The following KLK13 variants were observed in gnomAD, a reference collection of about 807,000 sequenced individuals.
KLK13 encodes the protein kallikrein-13.
KLK13 carries 19 observed loss-of-function variants against 22.4 expected under a neutral mutation model. The observed-to-expected ratio is 0.85, with a 90% CI of 0.59 to 1.24. The LOEUF (loss-of-function observed/expected upper bound fraction) is 1.24, where lower values mean the gene tolerates loss of function less well. Ranked by LOEUF, KLK13 falls within the 50% of genes most tolerant of loss-of-function variation. KLK13 has a pLI of 0.00. For synonymous variants in KLK13, 156 were observed against 141.8 expected (o/e 1.10, Z -0.71); for missense variants, 311 against 347.9 (o/e 0.89, Z 0.84).
At chr19:51,065,125 G>A (rs1349838158), upstream of KLK13, 5 of 1,259,758 alleles carry the variant, frequency 4.0e-6, no homozygotes, top group Non-Finnish European at 5.5e-6. Context: ...AAGGTGAAGG[G>A]GGTGTTGAGG....
chr19:51,058,812 C>T, intron 3 of KLK13, 138 bp from the exon 4 acceptor site: 1 of 846,032 alleles, frequency 1.2e-6, no homozygotes, highest in South Asian at 1.6e-5. Flanking sequence ...GAGATGAGCA[C>T]CTATCTGGGT....
intron 1 of KLK13, among the ~76,000 whole-genome samples, chr19:51,064,075 G>T (rs1044976799): frequency 6.6e-6 from 1 of 152,130 alleles, no homozygotes; most frequent in Non-Finnish European, 1.5e-5. Context: ...GGCAGGGAAA[G>T]ATGGGAAAGA....
rs867003746 is a variant in KLK13, at chr19:51,065,027, G to C, written c.41C>G (p.Ala14Gly). 7.5e-7 allele frequency: 1 copy of C among 1,335,298 alleles called. No individual in the cohort carries two copies. The highest frequency in any genetic ancestry group is 4.9e-5 in the East Asian group (1 of 20,398). The allele number at this position is 1,335,298 out of a possible 1,614,324, so 82.7% of individuals were successfully genotyped here. A position where few individuals can be genotyped will look rare whatever the true frequency, so the allele number is the denominator to read the frequency against. The change falls in exon 1 of 5, where the codon GCC (alanine) becomes GGC (glycine). Residue 14 changes from alanine to glycine, a missense_variant. Ala to Gly is a moderately conservative substitution (Grantham distance 60). Coordinates refer to ENST00000595793, the MANE Select transcript of KLK13 (RefSeq NM_015596.3). ...CCGCGCATTCTTACCTCCTGACAAG[G>C]CCAAGGTCAGGGAGGCGATCACTAG... ...LALVIASLTL[A>G]LSGGVSQESS...
chr19:51,061,842 G>T (rs2122705551), intron 1 of KLK13, among the ~76,000 whole-genome samples: 1 of 152,320 alleles, frequency 6.6e-6, no homozygotes, highest in East Asian at 1.9e-4. Flanking sequence ...GCCCTTGCCA[G>T]CCTCTTTGAC....
At chr19:51,057,625 A>G (rs8110488) in intron 4 of KLK13, among the ~76,000 whole-genome samples, 50,412 of 151,800 alleles carry the variant, frequency 0.33, 8,770 homozygotes, top group Middle Eastern at 0.44. Context: ...ACTCCACCAC[A>G]CCTGGCTAAT....
intron 1 of KLK13, chr19:51,063,569 A>G: frequency 2.3e-6 from 1 of 430,096 alleles, no homozygotes; most frequent in Non-Finnish European, 4.7e-6. Context: ...AAATTGGAGT[A>G]ATTACAATGC....
chr19:51,059,901 G>T lies in KLK13; in HGVS notation c.432C>A (p.Pro144=), dbSNP rs760548699. ...GGGTTAGGCGGTTGTTGTGGGAAAG[G>T]GGCAGGGTTTGGATGTAGCCTGTGA... ...VQLTGYIQTL[P]LSHNNRLTPG... The change falls in exon 3 of 5, where the codon CCC becomes CCA. Residue 144 remains proline (P), a synonymous_variant. Coordinates refer to ENST00000595793, the MANE Select transcript of KLK13 (RefSeq NM_015596.3). 31 of 1,605,552 alleles carry T rather than the reference G, an allele frequency of 1.9e-5. No individual in the cohort carries two copies. The South Asian group carries it at 3.3e-4, about 17-fold the overall frequency.
upstream of KLK13, among the ~76,000 whole-genome samples, chr19:51,065,319 A>AC: frequency 6.6e-6 from 1 of 151,864 alleles, no homozygotes; most frequent in South Asian, 2.1e-4. Flanking sequence ...GCAGCCCCTC[A>AC]CCCCAGGAAG....
chr19:51,061,540 T>G (rs2091731637), intron 1 of KLK13, among the ~76,000 whole-genome samples: 1 of 152,216 alleles, frequency 6.6e-6, no homozygotes, highest in South Asian at 2.1e-4. Flanking sequence ...TCATCTTTGC[T>G]TCTCTTCTTT....
chr19:51,058,783 G>T, intron 3 of KLK13, 109 bp from the exon 4 acceptor site: 1 of 1,085,566 alleles, frequency 9.2e-7, no homozygotes, highest in Non-Finnish European at 1.4e-6. Flanking sequence ...ATTGAGATGG[G>T]AAGAGAAAGA....
At chr19:51,060,973 C>T (rs2091725036) in intron 1 of KLK13, among the ~76,000 whole-genome samples, 1 of 151,956 alleles carries the variant, frequency 6.6e-6, no homozygotes, top group African/African-American at 2.4e-5. Flanking sequence ...GTGAGACTGA[C>T]CTACACATCC....
rs1411470549 is a variant in KLK13, at chr19:51,059,771, CCT to C, written c.508+52_508+53del. 13 of 1,432,678 alleles carry C rather than the reference CCT, an allele frequency of 9.1e-6. 1 individual carries two copies. The highest frequency in any genetic ancestry group is 4.7e-5 in the South Asian group (3 of 64,100). The allele number at this position is 1,432,678 out of a possible 1,614,324, so 88.7% of individuals were successfully genotyped here. On this transcript the variant is annotated intron_variant, in intron 3 of 4. Transcript: ENST00000595793. ...TCAGACCTTCCCTCCCATCTCTGCCCCTGTTTCCCCAGCCACTCCTATGGGGC... is the reference window on the plus strand; with the variant it reads ...TCAGACCTTCCCTCCCATCTCTGCCCGTTTCCCCAGCCACTCCTATGGGGC...
chr19:51,061,037 C>A (rs546657730), intron 1 of KLK13, among the ~76,000 whole-genome samples: 2 of 152,278 alleles, frequency 1.3e-5, no homozygotes, highest in South Asian at 4.1e-4. Flanking sequence ...CCCATTCATC[C>A]TATTGATTTG....
Position 51,060,099 on chromosome 19 carries a change from G to A in KLK13, c.240-6C>T. The stretch of plus-strand genomic sequence containing the variant: ...CTAGGTAAACTTTGAGCCCCCTGTG[G>A]GTGCAGAAAGAAGGTGGTTAGGAAA... On this transcript the variant is annotated splice_polypyrimidine_tract_variant and splice_region_variant and intron_variant, in intron 2 of 4. Coordinates refer to ENST00000595793, the MANE Select transcript of KLK13 (RefSeq NM_015596.3). 1 of 1,612,710 alleles carries A rather than the reference G, an allele frequency of 6.2e-7. No homozygotes were observed. The highest frequency in any genetic ancestry group is 1.1e-5 in the South Asian group (1 of 91,064).
intron 1 of KLK13, chr19:51,063,608 C>T (rs112237160): frequency 0.036 from 16,242 of 456,054 alleles, 418 homozygotes; most frequent in South Asian, 0.052. Flanking sequence ...TTGAGGACTC[C>T]ACAAGGCGTA....
At chr19:51,059,392 T>A (rs1012242804) in intron 3 of KLK13, among the ~76,000 whole-genome samples, 5 of 146,584 alleles carry the variant, frequency 3.4e-5, no homozygotes, top group African/African-American at 1.2e-4. Context: ...TATATAAATG[T>A]ATACATTTAT....
At chr19:51,064,747 C>G in intron 1 of KLK13, 1 of 645,494 alleles carries the variant, frequency 1.5e-6, no homozygotes, top group South Asian at 1.5e-5. Flanking sequence ...TTTCAGCTTT[C>G]CAGAGAGGAC....
intron 4 of KLK13, among the ~76,000 whole-genome samples, chr19:51,057,644 T>G (rs2091688011): frequency 6.6e-6 from 1 of 151,922 alleles, no homozygotes. Context: ...ATTTAAAAAC[T>G]TTTTTTTCTT....
intron 4 of KLK13, among the ~76,000 whole-genome samples, chr19:51,057,144 C>T (rs2091683272): frequency 8.2e-6 from 1 of 122,230 alleles, no homozygotes; most frequent in Admixed American, 8.2e-5. Flanking sequence ...CACCCCCTGC[C>T]CCACACCAGC....
Sources: gnomAD v4.1 joint callset for allele counts (sites outside exome capture counted in the v4.1 genomes callset) on GRCh38, gnomAD v4.1.1 for gene constraint, MANE v1.5 for transcripts, NCBI Gene and HGNC (gene_info 2026-07-23, HGNC 2026-07-21) for gene names.